Variants in EFR3B observed in about 807,000 individuals in gnomAD.
EFR3B encodes EFR3 homolog B, also known as protein EFR3 homolog B.
In EFR3B, 64 loss-of-function variants were observed where a neutral mutation model predicts 104.7. The observed-to-expected ratio is 0.61, with a 90% CI of 0.50 to 0.75. The LOEUF (loss-of-function observed/expected upper bound fraction) is 0.75, where lower values mean the gene tolerates loss of function less well. EFR3B is among the 30% of genes least tolerant of loss of function. EFR3B has a pLI of 0.00. For missense variants in EFR3B, 750 were observed against 1,078.5 expected, an observed-to-expected ratio of 0.70 and a Z score of 4.27; for synonymous variants, 385 against 417.9, an observed-to-expected ratio of 0.92 and a Z score of 0.96.
intron 5 of EFR3B, among the ~76,000 whole-genome samples, chr2:25,124,094 C>T (rs187501455): frequency 1.0e-3 from 154 of 152,218 alleles, no homozygotes; most frequent in African/African-American, 3.3e-3. Context: ...CCCCTTTTTC[C>T]CTGAGATCTC....
intron 4 of EFR3B, among the ~76,000 whole-genome samples, chr2:25,119,407 G>A (rs1000132354): frequency 6.6e-6 from 1 of 152,204 alleles, no homozygotes; most frequent in Non-Finnish European, 1.5e-5. Context: ...GTGGCTAAGG[G>A]CAGTGATGCA....
chr2:25,125,819 G>A (rs1573221268), intron 5 of EFR3B, among the ~76,000 whole-genome samples: 2 of 152,168 alleles, frequency 1.3e-5, no homozygotes, highest in Admixed American at 6.5e-5. Flanking sequence ...GTGGTGGCGG[G>A]CGCCTGTAGT....
chr2:25,130,688 G>A lies in EFR3B; in HGVS notation c.849+58G>A. ...AGGACAAAGGCCTCTCTAGAAGCTAGACGGGTGCTAAAATAGAAAGCCAGA... is the reference window on the plus strand; with the variant it reads ...AGGACAAAGGCCTCTCTAGAAGCTAAACGGGTGCTAAAATAGAAAGCCAGA... On this transcript the variant is annotated intron_variant, in intron 8 of 22. Coordinates refer to ENST00000403714, the MANE Select transcript of EFR3B (RefSeq NM_014971.2). The surrounding 1 kb of genome is among the most constrained non-coding windows in gnomAD (Gnocchi z 4.6). 6.8e-7 allele frequency: 1 copy of A among 1,463,624 alleles called. No individual in the cohort carries two copies. Among genetic ancestry groups the A allele is most frequent in the Non-Finnish European group, 9.4e-7 (1 of 1,067,364 alleles). 90.7% of individuals were successfully genotyped at this position (1,463,624 alleles called of 1,614,324 possible).
chr2:25,072,254 C>G (rs1001291504), intron 1 of EFR3B, among the ~76,000 whole-genome samples: 2 of 130,746 alleles, frequency 1.5e-5, no homozygotes, highest in African/African-American at 2.9e-5. Flanking sequence ...CTTTCCCCAC[C>G]ACCCTGGCTC....
chr2:25,141,577 C>A, intron 17 of EFR3B, 144 bp downstream of exon 17: 1 of 798,654 alleles, frequency 1.3e-6, no homozygotes, highest in Non-Finnish European at 1.9e-6. Context: ...GCCTGTGGTC[C>A]AGGAGTCCTG....
Position 25,150,664 on chromosome 2 carries a change from G to A in EFR3B, c.2191+922G>A, listed in dbSNP as rs1573240987. Among the ~76,000 whole-genome samples the A allele has an allele frequency of 5.3e-5, 8 of 149,704 alleles. No individual in the cohort carries two copies. The South Asian group carries it at 1.7e-3, about 32-fold the overall frequency. ...CTCGCCCTGTCACCCAGGCTAGAGT[G>A]CAGTGGCACCATCTTGGCTCACTAC... On this transcript the variant is annotated intron_variant, in intron 20 of 22. Coordinates refer to ENST00000403714, the MANE Select transcript of EFR3B (RefSeq NM_014971.2).
intron 17 of EFR3B, among the ~76,000 whole-genome samples, chr2:25,142,957 A>AG (rs1315685120): frequency 6.7e-6 from 1 of 150,260 alleles, no homozygotes; most frequent in East Asian, 1.9e-4. Context: ...AAAAAAAAAA[A>AG]AAAAAAAAGG....
chr2:25,079,309 G>A (rs1020568996), intron 1 of EFR3B, among the ~76,000 whole-genome samples: 1 of 152,228 alleles, frequency 6.6e-6, no homozygotes, highest in Non-Finnish European at 1.5e-5. Context: ...GGTGGCTGTG[G>A]CGAAGGAGAG....
At chr2:25,055,303 T>G (rs1206272074) in intron 1 of EFR3B, among the ~76,000 whole-genome samples, 6 of 152,246 alleles carry the variant, frequency 3.9e-5, no homozygotes, top group Non-Finnish European at 7.3e-5. Context: ...TTGAATATTT[T>G]CATAGATTTT....
In EFR3B at chr2:25,131,468, C is replaced by T; in HGVS notation, c.950C>T (p.Ser317Leu). Residue 317 changes from serine to leucine, a missense_variant, in exon 9 of 23, where the codon TCG (serine) becomes TTG (leucine). Coordinates refer to ENST00000403714, the MANE Select transcript of EFR3B (RefSeq NM_014971.2). This position sits in a 1 kb window ranked among gnomAD's most constrained non-coding sequence, Gnocchi z 7.6. ...CGCGCGGGCATCGTGGAAGTCTTGT[C>T]GGAAGCCGCGGTCATCGCTGCCACC... ...TVRAGIVEVLSEAAVIAATGS... is the reference protein window; with the variant it reads ...TVRAGIVEVLLEAAVIAATGS... 2 of 1,550,254 alleles carry T rather than the reference C, an allele frequency of 1.3e-6. No individual in the cohort carries two copies. Among genetic ancestry groups the T allele is most frequent in the East Asian group, 2.4e-5 (1 of 40,912 alleles).
chr2:25,054,031 C>T (rs1472463264), intron 1 of EFR3B, among the ~76,000 whole-genome samples: 1 of 152,216 alleles, frequency 6.6e-6, no homozygotes, highest in Non-Finnish European at 1.5e-5. Flanking sequence ...AGGCCCAGTC[C>T]TGCGCAGATC....
At chr2:25,113,064 G>T (rs1669764588) in intron 4 of EFR3B, among the ~76,000 whole-genome samples, 1 of 152,076 alleles carries the variant, frequency 6.6e-6, no homozygotes, top group South Asian at 2.1e-4. Context: ...CAGGGTGGGT[G>T]ATCACTCCAG....
chr2:25,131,836 G>GCGGT lies in EFR3B; in HGVS notation c.1074_1077dup (p.Ser360GlyfsTer65), dbSNP rs1364595570. ...CGCGCTGACCGGGAGCTACGACGGG[G>GCGGT]CGGTCAGCCTCGGCACCAAGATCAT... is the stretch of plus-strand genomic sequence containing the variant. On this transcript the variant is annotated frameshift_variant, in exon 10 of 23. Transcript: ENST00000403714. LOFTEE classifies it high-confidence loss of function. This position sits in a 1 kb window ranked among gnomAD's most constrained non-coding sequence, Gnocchi z 7.6. The GCGGT allele has an allele frequency of 6.5e-7, 1 of 1,549,946 alleles. No individual in the cohort carries two copies. The highest frequency in any genetic ancestry group is 8.7e-7 in the Non-Finnish European group (1 of 1,146,532).
chr2:25,108,933 G>A (rs1669643326), intron 4 of EFR3B, among the ~76,000 whole-genome samples: 2 of 152,066 alleles, frequency 1.3e-5, no homozygotes, highest in Admixed American at 1.3e-4. Flanking sequence ...TTGAACCCAG[G>A]AGGCGAAGGT....
intron 2 of EFR3B, 132 bp from the exon 3 acceptor site, chr2:25,092,871 C>T (rs1669170923): frequency 8.6e-7 from 1 of 1,161,676 alleles, no homozygotes. Flanking sequence ...CTCTGAAACC[C>T]ACATGTGCTC....
At chr2:25,141,783 A>G (rs746281073) in intron 17 of EFR3B, among the ~76,000 whole-genome samples, 11 of 152,224 alleles carry the variant, frequency 7.2e-5, no homozygotes, top group Non-Finnish European at 1.3e-4. Context: ...GCTGTGGGCC[A>G]GTGTCATTTC....
intron 5 of EFR3B, among the ~76,000 whole-genome samples, chr2:25,125,116 G>A (rs1213775785): frequency 6.6e-6 from 1 of 152,186 alleles, no homozygotes; most frequent in African/African-American, 2.4e-5. Context: ...CTCCAGGCCT[G>A]ATCTTTCTGA....
intron 2 of EFR3B, among the ~76,000 whole-genome samples, chr2:25,091,702 G>C (rs1261514568): frequency 6.6e-6 from 1 of 152,226 alleles, no homozygotes; most frequent in African/African-American, 2.4e-5. Context: ...ATGTCTCTCT[G>C]TGTGATTGCC....
intron 1 of EFR3B, among the ~76,000 whole-genome samples, chr2:25,054,247 G>A (rs539443348): frequency 6.6e-6 from 1 of 152,296 alleles, no homozygotes; most frequent in African/African-American, 2.4e-5. Flanking sequence ...GGTCAAATGA[G>A]ATAATGTCTA....
Sources: gnomAD v4.1 joint callset for allele counts (sites outside exome capture counted in the v4.1 genomes callset) on GRCh38, gnomAD v4.1.1 for gene constraint, Gnocchi (gnomAD v3.1) non-coding constraint, MANE v1.5 for transcripts, NCBI Gene and HGNC (gene_info 2026-07-23, HGNC 2026-07-21) for gene names.